The following KIF6 variants were observed in gnomAD, a reference collection of about 807,000 sequenced individuals.
KIF6 encodes the protein kinesin family member 6.
Under a neutral mutation model 112.7 loss-of-function variants are expected in KIF6, and 106 were observed. The observed-to-expected ratio is 0.94, with a 90% CI of 0.80 to 1.11. The LOEUF is 1.11. Ranked by LOEUF, KIF6 falls within the 50% of genes least tolerant of loss-of-function variation. The pLI, the probability that KIF6 is intolerant of heterozygous loss-of-function variation, is 0.00. For missense variants in KIF6, 929 were observed against 964.0 expected, an observed-to-expected ratio of 0.96 and a Z score of 0.48; for synonymous variants, 339 against 339.9, an observed-to-expected ratio of 1.00 and a Z score of 0.03.
chr6:39,626,946 A>G (rs943256732), intron 5 of KIF6, among the ~76,000 whole-genome samples: 16 of 152,086 alleles, frequency 1.1e-4, no homozygotes, highest in African/African-American at 3.4e-4. Context: ...AACTTCCCAC[A>G]ATGCTCTGAC....
chr6:39,473,985 C>G (rs773374129), intron 13 of KIF6, among the ~76,000 whole-genome samples: 1 of 152,060 alleles, frequency 6.6e-6, no homozygotes, highest in Non-Finnish European at 1.5e-5. Context: ...TACTTCTGTT[C>G]TTTATTTGGT....
In KIF6 at chr6:39,720,824, AGAC is replaced by A; in HGVS notation, c.67-16_67-14del. 8.6e-7 allele frequency: 1 copy of A among 1,158,780 alleles called. No homozygotes were observed. Among genetic ancestry groups the A allele is most frequent in the Non-Finnish European group, 1.3e-6 (1 of 764,674 alleles). The allele number at this position is 1,158,780 out of a possible 1,614,324, so 71.8% of individuals were successfully genotyped here. ...CTATGGAATAAATCTGCAAATGTGA[AGAC>A]AACAAATGGATATAAAATGGTGAAA... On this transcript the variant is annotated splice_polypyrimidine_tract_variant and intron_variant, in intron 1 of 22. Coordinates refer to ENST00000287152, the MANE Select transcript of KIF6 (RefSeq NM_145027.6).
chr6:39,377,255 C>T (rs1766513231), intron 16 of KIF6, among the ~76,000 whole-genome samples: 1 of 152,068 alleles, frequency 6.6e-6, no homozygotes, highest in African/African-American at 2.4e-5. Flanking sequence ...CGCTATGCTG[C>T]CCAGGCTGGT....
At chr6:39,598,794 C>T (rs1782428082) in intron 6 of KIF6, among the ~76,000 whole-genome samples, 1 of 151,894 alleles carries the variant, frequency 6.6e-6, no homozygotes, top group Non-Finnish European at 1.5e-5. Context: ...AATAAAGCAA[C>T]TTGGGATAGA....
chr6:39,505,698 G>A (rs1474164252), intron 13 of KIF6, among the ~76,000 whole-genome samples: 2 of 152,144 alleles, frequency 1.3e-5, no homozygotes, highest in Non-Finnish European at 2.9e-5. Context: ...CAAAGGACAT[G>A]AACAGACACT....
intron 10 of KIF6, among the ~76,000 whole-genome samples, chr6:39,569,539 A>G (rs1780530669): frequency 1.3e-5 from 2 of 152,248 alleles, no homozygotes; most frequent in Admixed American, 1.3e-4. Context: ...AACTAAATCA[A>G]ATTAAACTTT....
chr6:39,343,571 GTGAC>G lies in KIF6; in HGVS notation c.2428+134_2428+137del. Reference sequence around the variant, plus strand: ...AGAAGGAATCAGAGGCTGGGCACATGTGACTGACAGGCAGGCCAGTCCTGTGGCT... The same window carrying G: ...AGAAGGAATCAGAGGCTGGGCACATGTGACAGGCAGGCCAGTCCTGTGGCT... On this transcript the variant is annotated intron_variant, in intron 22 of 22. Coordinates refer to ENST00000287152, the MANE Select transcript of KIF6 (RefSeq NM_145027.6). The surrounding 1 kb of genome is among the most constrained non-coding windows in gnomAD (Gnocchi z 4.1). 8.2e-7 allele frequency: 1 copy of G among 1,224,582 alleles called. No homozygotes were observed. The highest frequency in any genetic ancestry group is 1.1e-6 in the Non-Finnish European group (1 of 882,854). The allele number at this position is 1,224,582 out of a possible 1,614,324, so 75.9% of individuals were successfully genotyped here. A position where few individuals can be genotyped will look rare whatever the true frequency, so the allele number is the denominator to read the frequency against.
chr6:39,628,613 ATTTCC>A, intron 5 of KIF6, among the ~76,000 whole-genome samples: 1 of 151,924 alleles, frequency 6.6e-6, no homozygotes, highest in Non-Finnish European at 1.5e-5. Context: ...TACTCAACAT[ATTTCC>A]CTGGAGATTC....
intron 22 of KIF6, among the ~76,000 whole-genome samples, chr6:39,338,959 T>A (rs1437671990): frequency 1.2e-5 from 1 of 85,960 alleles, no homozygotes; most frequent in Admixed American, 1.6e-4. Flanking sequence ...GTGGGTGGGG[T>A]GGGGCCTGGG....
At chr6:39,670,903 T>G (rs2446642) in intron 3 of KIF6, among the ~76,000 whole-genome samples, 49,389 of 152,074 alleles carry the variant, frequency 0.32, 9,307 homozygotes, top group Non-Finnish European at 0.4. Flanking sequence ...CACCTGTAGT[T>G]CATTAGTAGT....
chr6:39,679,116 A>C (rs1787350109), intron 3 of KIF6, among the ~76,000 whole-genome samples: 1 of 152,252 alleles, frequency 6.6e-6, no homozygotes, highest in Non-Finnish European at 1.5e-5. Context: ...TGGCCCAAAC[A>C]TCAATTTGTA....
intron 10 of KIF6, among the ~76,000 whole-genome samples, chr6:39,566,195 C>A (rs1299211970): frequency 6.6e-6 from 1 of 152,156 alleles, no homozygotes; most frequent in African/African-American, 2.4e-5. Context: ...ATGTTGCTTT[C>A]TTTTTCCTGT....
At chr6:39,537,511 G>T (rs2150557055) in intron 13 of KIF6, among the ~76,000 whole-genome samples, 1 of 151,840 alleles carries the variant, frequency 6.6e-6, no homozygotes, top group African/African-American at 2.4e-5. Context: ...ACTTACAAGG[G>T]ATGTGAAGGA....
chr6:39,457,322 C>A (rs530835052), intron 13 of KIF6, among the ~76,000 whole-genome samples: 1 of 145,718 alleles, frequency 6.9e-6, no homozygotes, highest in African/African-American at 2.5e-5. Context: ...TTGAAACCAA[C>A]GAGAACAAAG....
At chr6:39,626,380 C>T (rs1330807807) in intron 5 of KIF6, among the ~76,000 whole-genome samples, 2 of 152,088 alleles carry the variant, frequency 1.3e-5, no homozygotes, top group African/African-American at 4.8e-5. Flanking sequence ...ACCTAGAAAC[C>T]ACAGTCTGCT....
Position 39,331,967 on chromosome 6 carries a change from G to A in KIF6, c.*4565C>T, listed in dbSNP as rs1412376037. On this transcript the variant is annotated 3_prime_UTR_variant, in exon 23 of 23. Transcript: ENST00000287152. ...TGTTTTTTCTTTTTTTTTTTTTTGA[G>A]ACAGAGTTTCACTCTTGTTGCCCAA... 6.9e-6 allele frequency: 1 copy of A among 145,094 alleles called. No homozygotes were observed. The highest frequency in any genetic ancestry group is 1.5e-5 in the Non-Finnish European group (1 of 66,854). 9.0% of individuals were successfully genotyped at this position (145,094 alleles called of 1,614,324 possible). A position where few individuals can be genotyped will look rare whatever the true frequency, so the allele number is the denominator to read the frequency against.
intron 10 of KIF6, among the ~76,000 whole-genome samples, chr6:39,572,197 G>T (rs537967798): frequency 1.3e-5 from 2 of 151,966 alleles, no homozygotes; most frequent in South Asian, 4.1e-4. Context: ...AATATGGGTA[G>T]AATAAAAACT....
In KIF6 at chr6:39,343,140, CG is replaced by C. The variant is rs1317157328; in HGVS notation, c.2428+568del. ...GGGAGATGGGCAGCTGCCAAGAGGA[CG>C]GGGCTGGGGGTGGAGGGGGCAGTGA... On this transcript the variant is annotated intron_variant, in intron 22 of 22. Coordinates refer to ENST00000287152, the MANE Select transcript of KIF6 (RefSeq NM_145027.6). This position sits in a 1 kb window ranked among gnomAD's most constrained non-coding sequence, Gnocchi z 4.1. 3 of 985,282 alleles carry C rather than the reference CG, an allele frequency of 3.0e-6. No individual in the cohort carries two copies. The highest frequency in any genetic ancestry group is 3.6e-6 in the Non-Finnish European group (3 of 829,886). 61.0% of individuals were successfully genotyped at this position (985,282 alleles called of 1,614,324 possible). A position where few individuals can be genotyped will look rare whatever the true frequency, so the allele number is the denominator to read the frequency against.
chr6:39,536,524 G>A (rs956358036), intron 13 of KIF6, among the ~76,000 whole-genome samples: 20 of 152,008 alleles, frequency 1.3e-4, no homozygotes, highest in African/African-American at 4.8e-4. Flanking sequence ...GGAAGAAGTT[G>A]AATCTCTGAA....
Sources: allele counts gnomAD v4.1 joint callset (sites outside exome capture counted in the v4.1 genomes callset), GRCh38; gene constraint gnomAD v4.1.1; non-coding constraint Gnocchi (gnomAD v3.1); transcripts MANE v1.5; gene names NCBI Gene and HGNC (gene_info 2026-07-23, HGNC 2026-07-21).